PLCXD1: variants seen among roughly 807,000 people sequenced by gnomAD.
PLCXD1 encodes the protein PI-PLC X domain-containing protein 1.
Under a neutral mutation model 37.8 loss-of-function variants are expected in PLCXD1, and 45 were observed. That is an observed-to-expected ratio of 1.19 (90% CI 0.94 to 1.53). PLCXD1 has a LOEUF of 1.53. PLCXD1 is among the 40% of genes most tolerant of loss of function. The pLI, the probability that PLCXD1 is intolerant of heterozygous loss-of-function variation, is 0.00. For missense variants in PLCXD1, 539 were observed against 454.7 expected (o/e 1.19, Z -1.69); for synonymous variants, 246 against 206.9 (o/e 1.19, Z -1.62).
chrX:279,056 G>T (rs2069209782), upstream of PLCXD1, among the ~76,000 whole-genome samples: 1 of 152,128 alleles, frequency 6.6e-6, no homozygotes, highest in South Asian at 2.1e-4. Flanking sequence ...AGTTGGGTAG[G>T]TAATGGAAAA....
chrX:277,521 T>G (rs79781772), upstream of PLCXD1, among the ~76,000 whole-genome samples: 1 of 162 alleles, frequency 6.2e-3, no homozygotes. Flanking sequence ...GGGACAGGAG[T>G]GGACACCCCT....
Position 291,511 on chromosome X carries a change from G to C in PLCXD1, c.406G>C (p.Glu136Gln). Reference sequence around the variant, plus strand: ...CCCCCCTCCCCAGGACACACTCACGGAAATCTCGGAGTGGCTGGAGCGGCA... The same window carrying C: ...CCCCCCTCCCCAGGACACACTCACGCAAATCTCGGAGTGGCTGGAGCGGCA... The part of the protein sequence containing the change: ...TTALVEDTLT[E>Q]ISEWLERHPR... The change falls in exon 5 of 7, where the codon GAA becomes CAA. Residue 136 changes from glutamate (E) to glutamine (Q), a missense_variant. Coordinates refer to ENST00000381657, the MANE Select transcript of PLCXD1 (RefSeq NM_018390.4). 1.9e-6 allele frequency: 3 copies of C among 1,612,702 alleles called. No homozygotes were observed. The highest frequency in any genetic ancestry group is 2.5e-6 in the Non-Finnish European group (3 of 1,179,848).
At chrX:281,787 C>G (rs1160568474) in intron 1 of PLCXD1, 103 bp downstream of exon 1, 2 of 152,252 alleles carry the variant, frequency 1.3e-5, no homozygotes, top group Non-Finnish European at 2.9e-5. Context: ...GAGACAGAGT[C>G]TCACTTTGTC....
intron 2 of PLCXD1, among the ~76,000 whole-genome samples, chrX:286,919 C>T (rs1026448539): frequency 4.0e-5 from 6 of 150,924 alleles, no homozygotes; most frequent in South Asian, 4.2e-4. Context: ...AGCTCAAGAT[C>T]GGGGGAGCAG....
In PLCXD1 at chrX:291,520, G is replaced by A; in HGVS notation, c.415G>A (p.Glu139Lys). ...LVEDTLTEIS[E>K]WLERHPREVV... ...CCAGGACACACTCACGGAAATCTCG[G>A]AGTGGCTGGAGCGGCATCCACGCGA... is the stretch of plus-strand genomic sequence containing the variant. The change falls in exon 5 of 7, where the codon GAG becomes AAG. Residue 139 changes from glutamate to lysine, a missense_variant. Coordinates refer to ENST00000381657, the MANE Select transcript of PLCXD1 (RefSeq NM_018390.4). The A allele has an allele frequency of 1.2e-6, 2 of 1,612,666 alleles. No homozygotes were observed.
intron 1 of PLCXD1, 33 bp from the exon 2 acceptor site, chrX:284,134 T>TA: frequency 1.9e-6 from 3 of 1,598,046 alleles, no homozygotes; most frequent in East Asian, 2.2e-5. Flanking sequence ...GAAGTCACCG[T>TA]AAAAAACCTC....
intron 6 of PLCXD1, among the ~76,000 whole-genome samples, chrX:294,029 C>A (rs1480162562): frequency 6.6e-6 from 1 of 150,984 alleles, no homozygotes; most frequent in Admixed American, 6.6e-5. Context: ...CTGTGTTGGC[C>A]AGGCTGGTCT....
upstream of PLCXD1, among the ~76,000 whole-genome samples, chrX:279,754 A>T (rs1329406670): frequency 6.6e-6 from 1 of 150,894 alleles, no homozygotes; most frequent in Non-Finnish European, 1.5e-5. Context: ...AGTCTGCGCA[A>T]CAGAGCGAGA....
chrX:276,565 G>A (rs1392269993), upstream of PLCXD1, among the ~76,000 whole-genome samples: 1 of 152,212 alleles, frequency 6.6e-6, no homozygotes, highest in Admixed American at 6.5e-5. Flanking sequence ...GGTTCAGGGG[G>A]AGGGTCGCCT....
chrX:295,049 A>C (rs28521683), intron 6 of PLCXD1, among the ~76,000 whole-genome samples: 5 of 151,234 alleles, frequency 3.3e-5, no homozygotes, highest in African/African-American at 1.2e-4. Context: ...GTGCACCTGT[A>C]ATCCCAGCTC....
At chrX:296,946 G>A (rs1486989095) in intron 6 of PLCXD1, among the ~76,000 whole-genome samples, 7 of 127,866 alleles carry the variant, frequency 5.5e-5, no homozygotes, top group African/African-American at 2.1e-4. Context: ...TGGGGATTAG[G>A]ACGTGGACAT....
At chrX:279,480 G>C (rs1430458973), upstream of PLCXD1, among the ~76,000 whole-genome samples, 12 of 152,194 alleles carry the variant, frequency 7.9e-5, no homozygotes, top group African/African-American at 2.4e-4. Flanking sequence ...GGTTGAAAGA[G>C]TTATTATTAG....
intron 2 of PLCXD1, among the ~76,000 whole-genome samples, chrX:288,032 AG>A (rs1175189671): frequency 6.6e-6 from 1 of 151,944 alleles, no homozygotes; most frequent in Non-Finnish European, 1.5e-5. Context: ...TGGGGGCTCC[AG>A]GCATCCCTGG....
chrX:288,892 C>G (rs1440467516), intron 3 of PLCXD1, 23 bp downstream of exon 3: 2 of 1,609,392 alleles, frequency 1.2e-6, no homozygotes, highest in East Asian at 4.5e-5. Context: ...CCCCGTGCTG[C>G]TGACCTGGCC....
chrX:299,498 G>A lies in PLCXD1; in HGVS notation c.*163G>A, dbSNP rs140177641. On this transcript the variant is annotated 3_prime_UTR_variant, in exon 7 of 7. Coordinates refer to ENST00000381657, the MANE Select transcript of PLCXD1 (RefSeq NM_018390.4). ...TGGGGTGGCTGGGCGTGGTGACTTC[G>A]CCTGTCTTCCCAGCACTTTGGGAGG... 10,050 of 646,636 alleles carry A rather than the reference G, an allele frequency of 0.016. 545 individuals carry two copies. Among genetic ancestry groups the A allele is most frequent in the East Asian group, 0.11 (4,183 of 36,690 alleles). The allele number at this position is 646,636 out of a possible 1,614,324, so 40.1% of individuals were successfully genotyped here. A position where few individuals can be genotyped will look rare whatever the true frequency, so the allele number is the denominator to read the frequency against.
In PLCXD1 at chrX:300,998, C is replaced by T. The variant is rs1329189972; in HGVS notation, c.*1663C>T. 1.3e-5 allele frequency: 2 copies of T among 151,914 alleles called. No individual in the cohort carries two copies. The highest frequency in any genetic ancestry group is 4.8e-5 in the African/African-American group (2 of 41,340). 9.4% of individuals were successfully genotyped at this position (151,914 alleles called of 1,614,324 possible). A position where few individuals can be genotyped will look rare whatever the true frequency, so the allele number is the denominator to read the frequency against. ...GATGACAGGCATGAGCCACTGTGCC[C>T]AGCCGCCGATATTTCTTTAAATTAT... On this transcript the variant is annotated 3_prime_UTR_variant, in exon 7 of 7. Coordinates refer to ENST00000381657, the MANE Select transcript of PLCXD1 (RefSeq NM_018390.4).
At chrX:287,561 A>G (rs1278570483) in intron 2 of PLCXD1, among the ~76,000 whole-genome samples, 15 of 92,514 alleles carry the variant, frequency 1.6e-4, no homozygotes, top group African/African-American at 8.8e-4. Context: ...TATAGATACT[A>G]TATATGTTTA....
rs2069535021 is a variant in PLCXD1, at chrX:288,755, C to G, written c.150C>G (p.Tyr50Ter). 6 of 1,613,762 alleles carry G rather than the reference C, an allele frequency of 3.7e-6. 1 individual carries two copies. In the South Asian group the frequency reaches 5.5e-5, roughly 15 times the overall value. The change falls in exon 3 of 7, where the codon TAC becomes TAG. Residue 50 changes from tyrosine to a stop codon, truncating the protein, a stop_gained. Transcript: ENST00000381657. LOFTEE classifies it high-confidence loss of function. The stretch of plus-strand genomic sequence containing the variant: ...CAGGGAGCCACGACACGATGACGTA[C>G]TGCCTGAACAAGAAGTCCCCCATTT... ...SIPGSHDTMT[Y>*]CLNKKSPISH...
At position 281,902 on chromosome X, in the gene PLCXD1, C is replaced by G. The variant is rs771018042; in HGVS notation, c.-22+218C>G. Among the ~76,000 whole-genome samples the G allele has an allele frequency of 6.7e-4, 102 of 152,152 alleles. 1 individual carries two copies. The highest frequency in any genetic ancestry group is 1.3e-3 in the Non-Finnish European group (90 of 68,034). ...AGCTGGGATTACAGGCGTGCGCCAC[C>G]ACGGCCGGCTACTTTTTGTACTTTT... On this transcript the variant is annotated intron_variant, in intron 1 of 6. Coordinates refer to ENST00000381657, the MANE Select transcript of PLCXD1 (RefSeq NM_018390.4).
Sources: allele counts gnomAD v4.1 joint callset (sites outside exome capture counted in the v4.1 genomes callset), GRCh38; gene constraint gnomAD v4.1.1; transcripts MANE v1.5; gene names NCBI Gene and HGNC (gene_info 2026-07-23, HGNC 2026-07-21).